SVOP: variants seen among roughly 807,000 people sequenced by gnomAD.
SVOP encodes the protein SV2 related protein, also known as synaptic vesicle 2-related protein.
SVOP carries 17 observed loss-of-function variants against 69.1 expected under a neutral mutation model. The ratio of observed to expected loss-of-function variants is 0.25; its 90% CI spans 0.17 to 0.37. SVOP has a LOEUF of 0.37. Among genes scored for constraint, SVOP ranks in the 10% least tolerant of loss-of-function variants. The pLI is 1.00. For missense variants in SVOP, 435 were observed against 597.5 expected (o/e 0.73, Z 2.84); for synonymous variants, 238 against 238.6 (o/e 1.00, Z 0.02).
chr12:108,924,121 G>C lies in SVOP; in HGVS notation c.1049-1324C>G, dbSNP rs530099783. On this transcript the variant is annotated intron_variant, in intron 11 of 15. Transcript: ENST00000610966. ...CTCCCCAGCCCTTATGCCATCTGAG[G>C]ACACAGTGTTTGCCCCTTTTATCAT... is the stretch of plus-strand genomic sequence containing the variant. 6.6e-5 allele frequency among the ~76,000 whole-genome samples: 10 copies of C among 152,262 alleles called. No individual in the cohort carries two copies. The South Asian group carries it at 1.9e-3, about 28-fold the overall frequency.
At chr12:108,941,278 A>G (rs1238398555) in intron 7 of SVOP, among the ~76,000 whole-genome samples, 1 of 152,170 alleles carries the variant, frequency 6.6e-6, no homozygotes, top group Non-Finnish European at 1.5e-5. Flanking sequence ...GCTGGAGTAC[A>G]GTGTCCCGAT....
Position 108,909,118 on chromosome 12 carries a change from G to A in SVOP, c.*3417C>T, listed in dbSNP as rs2039664554. ...CAGGGTCAGATGGCCAACATGCAGA[G>A]GATGGTGAAAAGAAAAGGCAAAAAG... On this transcript the variant is annotated 3_prime_UTR_variant, in exon 16 of 16. Coordinates refer to ENST00000610966, the MANE Select transcript of SVOP (RefSeq NM_018711.5). 6.6e-6 allele frequency: 1 copy of A among 152,182 alleles called. No homozygotes were observed. Among genetic ancestry groups the A allele is most frequent in the Admixed American group, 6.5e-5 (1 of 15,272 alleles). 9.4% of individuals were successfully genotyped at this position (152,182 alleles called of 1,614,324 possible).
At chr12:108,920,694 T>G (rs1207174939) in intron 12 of SVOP, among the ~76,000 whole-genome samples, 5 of 147,988 alleles carry the variant, frequency 3.4e-5, no homozygotes, top group African/African-American at 7.5e-5. Flanking sequence ...GCCTCCTGGG[T>G]TCAAGCGATT....
At chr12:108,994,668 G>T (rs1482001536) in intron 1 of SVOP, among the ~76,000 whole-genome samples, 1 of 152,206 alleles carries the variant, frequency 6.6e-6, no homozygotes, top group Non-Finnish European at 1.5e-5. Flanking sequence ...CACACAGTAA[G>T]TGGCTAAGCC....
rs1486025535 is a variant in SVOP, at chr12:108,990,658, TAAAAAATA to T, written c.36-6905_36-6898del. ...ATGTACCCTAGAACTTAAAGTATAA[TAAAAAATA>T]AAATAAAATAAAATAAAACAAAACA... On this transcript the variant is annotated intron_variant, in intron 1 of 15. Transcript: ENST00000610966. Among the ~76,000 whole-genome samples the T allele has an allele frequency of 4.1e-4, 52 of 126,620 alleles. No individual in the cohort carries two copies. The East Asian group carries it at 0.012, about 29-fold the overall frequency. The allele number at this position is 126,620 out of a possible 152,430, so 83.1% of individuals were successfully genotyped here. A position where few individuals can be genotyped will look rare whatever the true frequency, so the allele number is the denominator to read the frequency against.
rs1297253000 is a variant in SVOP, at chr12:108,909,972, G to GT, written c.*2562dup. The GT allele has an allele frequency of 2.0e-5, 3 of 152,646 alleles. No homozygotes were observed. The highest frequency in any genetic ancestry group is 4.4e-5 in the Non-Finnish European group (3 of 68,466). The allele number at this position is 152,646 out of a possible 1,614,324, so 9.5% of individuals were successfully genotyped here. A position where few individuals can be genotyped will look rare whatever the true frequency, so the allele number is the denominator to read the frequency against. On this transcript the variant is annotated 3_prime_UTR_variant, in exon 16 of 16. Coordinates refer to ENST00000610966, the MANE Select transcript of SVOP (RefSeq NM_018711.5). ...AAGAGTTTTTGTTTTGTTTTGTTTT[G>GT]TTTTTGAGATGGAGTCTTGCTCTGT...
chr12:108,986,543 T>A (rs1045614423), intron 1 of SVOP, among the ~76,000 whole-genome samples: 2 of 152,212 alleles, frequency 1.3e-5, no homozygotes, highest in African/African-American at 4.8e-5. Flanking sequence ...ATCGCCAACA[T>A]TTGTCCCTAG....
chr12:109,005,982 GT>G (rs2058704905), intron 1 of SVOP, among the ~76,000 whole-genome samples: 1 of 152,194 alleles, frequency 6.6e-6, no homozygotes, highest in African/African-American at 2.4e-5. Context: ...TCAGAGTTGA[GT>G]TTTGAGAAGG....
At chr12:108,956,726 C>T (rs898755306) in intron 6 of SVOP, among the ~76,000 whole-genome samples, 29 of 152,160 alleles carry the variant, frequency 1.9e-4, no homozygotes, top group African/African-American at 6.3e-4. Flanking sequence ...AAGGATCCAT[C>T]ATAACATTGC....
chr12:108,929,917 GGT>G (rs2039805286), intron 11 of SVOP, among the ~76,000 whole-genome samples: 3 of 152,296 alleles, frequency 2.0e-5, no homozygotes, highest in African/African-American at 7.2e-5. Flanking sequence ...AAGTGACACA[GGT>G]ACTTGGTGCT....
At chr12:109,017,623 C>T (rs2040374710) in intron 1 of SVOP, among the ~76,000 whole-genome samples, 1 of 152,090 alleles carries the variant, frequency 6.6e-6, no homozygotes, top group African/African-American at 2.4e-5. Context: ...AATCTTTGCT[C>T]ACCGCAACCT....
At chr12:108,942,806 C>A (rs532599364) in intron 7 of SVOP, among the ~76,000 whole-genome samples, 1 of 152,264 alleles carries the variant, frequency 6.6e-6, no homozygotes, top group South Asian at 2.1e-4. Context: ...ACTCTGTTGC[C>A]CAGGCTGGAG....
intron 2 of SVOP, among the ~76,000 whole-genome samples, chr12:108,982,051 ATCG>A (rs2040138552): frequency 6.6e-6 from 1 of 151,792 alleles, no homozygotes; most frequent in Admixed American, 6.6e-5. Context: ...TATCATCATC[ATCG>A]TCACCATCAT....
intron 1 of SVOP, among the ~76,000 whole-genome samples, chr12:109,014,733 C>T (rs2040359289): frequency 6.6e-6 from 1 of 152,024 alleles, no homozygotes. Context: ...GTCTTTCTTT[C>T]TTTTTTGAGA....
chr12:108,957,129 A>T (rs531553115), intron 6 of SVOP, among the ~76,000 whole-genome samples: 15 of 152,230 alleles, frequency 9.9e-5, no homozygotes, highest in African/African-American at 3.6e-4. Context: ...GCTCCCAGGG[A>T]GGGAAAGCTT....
chr12:108,985,799 T>G (rs2040163020), intron 1 of SVOP, among the ~76,000 whole-genome samples: 1 of 152,194 alleles, frequency 6.6e-6, no homozygotes, highest in African/African-American at 2.4e-5. Context: ...AATATTTAAG[T>G]TCAAAATACT....
chr12:108,973,168 C>T (rs2040088615), intron 4 of SVOP, among the ~76,000 whole-genome samples: 1 of 152,176 alleles, frequency 6.6e-6, no homozygotes, highest in South Asian at 2.1e-4. Context: ...AGCCTTTATG[C>T]ACACATCTTA....
At chr12:108,941,188 A>G (rs549638379) in intron 7 of SVOP, among the ~76,000 whole-genome samples, 7 of 152,208 alleles carry the variant, frequency 4.6e-5, no homozygotes, top group African/African-American at 1.7e-4. Flanking sequence ...TGTGACCAAT[A>G]TTACGTGATG....
intron 1 of SVOP, among the ~76,000 whole-genome samples, chr12:108,984,741 T>C (rs2040158462): frequency 6.6e-6 from 1 of 152,148 alleles, no homozygotes; most frequent in Non-Finnish European, 1.5e-5. Context: ...CGGGGCAAAA[T>C]TACCTGTCTC....
Sources: gnomAD v4.1 joint callset for allele counts (sites outside exome capture counted in the v4.1 genomes callset) on GRCh38, gnomAD v4.1.1 for gene constraint, MANE v1.5 for transcripts, NCBI Gene and HGNC (gene_info 2026-07-23, HGNC 2026-07-21) for gene names.